Variants in PTPRN2 observed in about 807,000 individuals in gnomAD.
PTPRN2 encodes the protein protein tyrosine phosphatase receptor type N2, also known as receptor-type tyrosine-protein phosphatase N2.
PTPRN2 carries 74 observed loss-of-function variants against 118.8 expected under a neutral mutation model. The observed-to-expected ratio is 0.62, with a 90% CI of 0.52 to 0.76. The LOEUF (loss-of-function observed/expected upper bound fraction) is 0.76. PTPRN2 is among the 30% of genes least tolerant of loss of function. PTPRN2 has a pLI of 0.00. For synonymous variants in PTPRN2, 641 were observed against 608.0 expected, an observed-to-expected ratio of 1.05 and a Z score of -0.80; for missense variants, 1,481 against 1,394.4, an observed-to-expected ratio of 1.06 and a Z score of -0.99.
chr7:158,251,110 G>C (rs969870708), intron 3 of PTPRN2, among the ~76,000 whole-genome samples: 1 of 152,116 alleles, frequency 6.6e-6, no homozygotes, highest in Non-Finnish European at 1.5e-5. Flanking sequence ...AATGGGACAC[G>C]CACAAAGCGT....
intron 1 of PTPRN2, among the ~76,000 whole-genome samples, chr7:158,578,429 G>A (rs947945978): frequency 2.0e-5 from 3 of 151,452 alleles, no homozygotes; most frequent in Non-Finnish European, 4.4e-5. Context: ...CAGCTACTCA[G>A]GAGGCTGAGT....
chr7:158,382,306 C>A (rs1225283167), intron 2 of PTPRN2, among the ~76,000 whole-genome samples: 1 of 152,134 alleles, frequency 6.6e-6, no homozygotes, highest in Non-Finnish European at 1.5e-5. Flanking sequence ...GGCTGAAGAC[C>A]CCTCCACCAT....
chr7:157,818,098 G>A (rs1188409810), intron 12 of PTPRN2, among the ~76,000 whole-genome samples: 3 of 151,072 alleles, frequency 2.0e-5, no homozygotes, highest in African/African-American at 7.3e-5. Context: ...TGGTATGTGT[G>A]TTGTGTGTAC....
Position 157,600,072 on chromosome 7 carries a change from C to T in PTPRN2, c.2418+3930G>A, listed in dbSNP as rs549800559. On this transcript the variant is annotated intron_variant, in intron 16 of 22. Transcript: ENST00000389418. ...CCACCTCTCCACCTGCCTACCTCTC[C>T]ACCTGCCCACATCTCCACCTGCCCC... Among the ~76,000 whole-genome samples, 531 of 106,060 alleles carry T rather than the reference C, an allele frequency of 5.0e-3. 5 individuals are homozygous for T. The highest frequency in any genetic ancestry group is 7.7e-3 in the Non-Finnish European group (395 of 51,564). 69.6% of individuals were successfully genotyped at this position (106,060 alleles called of 152,430 possible). A position where few individuals can be genotyped will look rare whatever the true frequency, so the allele number is the denominator to read the frequency against.
chr7:157,860,235 C>T (rs540103519), intron 12 of PTPRN2, among the ~76,000 whole-genome samples: 3 of 152,204 alleles, frequency 2.0e-5, no homozygotes, highest in Admixed American at 6.5e-5. Flanking sequence ...CTCTGCATAC[C>T]CTGGATTTCA....
chr7:157,594,248 G>A (rs1217304282), intron 17 of PTPRN2, among the ~76,000 whole-genome samples: 2 of 152,238 alleles, frequency 1.3e-5, no homozygotes, highest in Non-Finnish European at 2.9e-5. Context: ...CGAGGCTGAC[G>A]GGAAAGCCAG....
chr7:158,259,773 G>A (rs1797268847), intron 3 of PTPRN2, among the ~76,000 whole-genome samples: 1 of 148,152 alleles, frequency 6.7e-6, no homozygotes, highest in Non-Finnish European at 1.5e-5. Context: ...ATGTGTTTGT[G>A]TCCATGTGTC....
At chr7:158,211,541 T>C (rs1016716401) in intron 3 of PTPRN2, among the ~76,000 whole-genome samples, 3 of 152,174 alleles carry the variant, frequency 2.0e-5, no homozygotes, top group African/African-American at 7.2e-5. Flanking sequence ...TAACTTTAAA[T>C]GGGCAAATAG....
chr7:158,570,912 G>T lies in PTPRN2; in HGVS notation c.112+16646C>A, dbSNP rs1401487327. On this transcript the variant is annotated intron_variant, in intron 1 of 22. Coordinates refer to ENST00000389418, the MANE Select transcript of PTPRN2 (RefSeq NM_002847.5). This position sits in a 1 kb window ranked among gnomAD's most constrained non-coding sequence, Gnocchi z 4.5. ...ACCTGGTTACCTCTGGCCTTCCTCT[G>T]CTCAGAAGCCCACCCCTGCAGAGCA... 6.6e-6 allele frequency among the ~76,000 whole-genome samples: 1 copy of T among 152,168 alleles called. No individual in the cohort carries two copies. The highest frequency in any genetic ancestry group is 2.4e-5 in the African/African-American group (1 of 41,440).
At chr7:158,226,046 G>T (rs1828747220) in intron 3 of PTPRN2, among the ~76,000 whole-genome samples, 1 of 152,074 alleles carries the variant, frequency 6.6e-6, no homozygotes, top group Non-Finnish European at 1.5e-5. Context: ...CCAGAAGGAG[G>T]ATAAAAGTAA....
intron 10 of PTPRN2, among the ~76,000 whole-genome samples, chr7:158,098,978 C>T (rs1403072353): frequency 6.6e-6 from 1 of 150,518 alleles, no homozygotes; most frequent in East Asian, 2.0e-4. Flanking sequence ...TCCTGGGTTC[C>T]GCATCCCGGC....
At chr7:158,227,051 G>T (rs1828840662) in intron 3 of PTPRN2, among the ~76,000 whole-genome samples, 2 of 152,116 alleles carry the variant, frequency 1.3e-5, no homozygotes, top group African/African-American at 4.8e-5. Flanking sequence ...AGGACCCTGG[G>T]TCACAGGACG....
At chr7:157,810,545 C>T (rs34776936) in intron 12 of PTPRN2, among the ~76,000 whole-genome samples, 27,065 of 118,528 alleles carry the variant, frequency 0.23, 3,686 homozygotes, top group African/African-American at 0.41. Context: ...TCCACGGGGA[C>T]GGGGACGGCG....
At position 158,284,959 on chromosome 7, in the gene PTPRN2, C is replaced by T. The variant is rs77209425; in HGVS notation, c.277+31860G>A. 9.1e-3 allele frequency among the ~76,000 whole-genome samples: 1,389 copies of T among 152,314 alleles called. 24 individuals carry two copies. The highest frequency in any genetic ancestry group is 0.031 in the African/African-American group (1,300 of 41,566). On this transcript the variant is annotated intron_variant, in intron 3 of 22. Coordinates refer to ENST00000389418, the MANE Select transcript of PTPRN2 (RefSeq NM_002847.5). ...CAGTCTGCCTGTGCCCCCACGAGCCCGGCTGTGCCCATATGCTGACGTTAT... is the reference window on the plus strand; with the variant it reads ...CAGTCTGCCTGTGCCCCCACGAGCCTGGCTGTGCCCATATGCTGACGTTAT...
chr7:157,955,270 G>C (rs557157511), intron 11 of PTPRN2, among the ~76,000 whole-genome samples: 20 of 152,218 alleles, frequency 1.3e-4, no homozygotes, highest in African/African-American at 4.8e-4. Context: ...ATTTGTGCTG[G>C]ATCACAGGTA....
chr7:158,328,737 T>C lies in PTPRN2; in HGVS notation c.164-11805A>G, dbSNP rs551990357. Among the ~76,000 whole-genome samples, 280 of 149,190 alleles carry C rather than the reference T, an allele frequency of 1.9e-3. 2 individuals are homozygous for C. Among genetic ancestry groups the C allele is most frequent in the African/African-American group, 4.9e-3 (197 of 40,206 alleles). On this transcript the variant is annotated intron_variant, in intron 2 of 22. Coordinates refer to ENST00000389418, the MANE Select transcript of PTPRN2 (RefSeq NM_002847.5). ...TGACGTCTGCAGGTGTCAGGTCTTA[T>C]GGTGAGAGTGTGGGTGTCAGTGACA... is the stretch of plus-strand genomic sequence containing the variant.
intron 3 of PTPRN2, among the ~76,000 whole-genome samples, chr7:158,244,972 C>T (rs997856880): frequency 6.6e-6 from 1 of 152,208 alleles, no homozygotes. Context: ...GCGAGGCCAG[C>T]AGTTCGAAGC....
chr7:157,663,620 T>C (rs1241007215), intron 13 of PTPRN2, among the ~76,000 whole-genome samples: 1 of 152,108 alleles, frequency 6.6e-6, no homozygotes, highest in Non-Finnish European at 1.5e-5. Flanking sequence ...CTGCCAGAGC[T>C]CCTCACAGTG....
At chr7:157,569,709 G>C (rs912016349) in intron 20 of PTPRN2, among the ~76,000 whole-genome samples, 29 of 152,240 alleles carry the variant, frequency 1.9e-4, no homozygotes, top group African/African-American at 7.0e-4. Context: ...TATGAGGAAT[G>C]TGTGAAGCCA....
Sources: gnomAD v4.1 joint callset for allele counts (sites outside exome capture counted in the v4.1 genomes callset) on GRCh38, gnomAD v4.1.1 for gene constraint, Gnocchi (gnomAD v3.1) non-coding constraint, MANE v1.5 for transcripts, NCBI Gene and HGNC (gene_info 2026-07-23, HGNC 2026-07-21) for gene names.